The following LOXL2 variants were observed in gnomAD, a reference collection of about 807,000 sequenced individuals.
LOXL2 encodes lysyl oxidase homolog 2.
A neutral mutation model predicts 93.0 loss-of-function variants in LOXL2; 70 were observed. The observed-to-expected ratio is 0.75, with a 90% CI of 0.62 to 0.92. The LOEUF (loss-of-function observed/expected upper bound fraction) is 0.92, where lower values mean the gene tolerates loss of function less well. LOXL2 is among the 40% of genes least tolerant of loss of function. LOXL2 has a pLI of 0.00. For missense variants in LOXL2, 973 were observed against 1,054.9 expected (o/e 0.92, Z 1.08); for synonymous variants, 438 against 413.2 (o/e 1.06, Z -0.73).
chr8:23,375,968 AC>A (rs1196048390), intron 1 of LOXL2, among the ~76,000 whole-genome samples: 4 of 152,146 alleles, frequency 2.6e-5, no homozygotes, highest in African/African-American at 9.7e-5. Flanking sequence ...AGAACTTCCA[AC>A]ACTATGTTGA....
Position 23,311,986 on chromosome 8 carries a change from G to A in LOXL2, c.1637-2075C>T, listed in dbSNP as rs945790308. ...TAGGGCAAAACAAATAGCCTGTGCC[G>A]AAATACAAACTACCATCAGAGAATA... On this transcript the variant is annotated intron_variant, in intron 9 of 13. Transcript: ENST00000389131. 2.1e-4 allele frequency among the ~76,000 whole-genome samples: 32 copies of A among 152,236 alleles called. 1 individual carries two copies. The highest frequency in any genetic ancestry group is 3.4e-3 in the Middle Eastern group (1 of 294).
At chr8:23,379,637 G>A (rs1056113816) in intron 1 of LOXL2, among the ~76,000 whole-genome samples, 5 of 93,384 alleles carry the variant, frequency 5.4e-5, no homozygotes, top group African/African-American at 1.1e-4. Context: ...CAGCAATGGC[G>A]GGCGCCCCTC....
intron 1 of LOXL2, among the ~76,000 whole-genome samples, chr8:23,380,199 C>T (rs969162514): frequency 6.6e-6 from 1 of 152,068 alleles, no homozygotes; most frequent in Non-Finnish European, 1.5e-5. Context: ...TCGAGACCAT[C>T]CTGGCCAACA....
chr8:23,401,623 A>G (rs1006241889), intron 1 of LOXL2, among the ~76,000 whole-genome samples: 5 of 152,208 alleles, frequency 3.3e-5, no homozygotes, highest in Admixed American at 2.0e-4. Flanking sequence ...TTTTTTGCAT[A>G]CTTGAAATTT....
intron 5 of LOXL2, among the ~76,000 whole-genome samples, chr8:23,332,561 T>TAC (rs752238417): frequency 3.8e-5 from 2 of 52,288 alleles, no homozygotes; most frequent in African/African-American, 1.6e-4. Flanking sequence ...CCCACACTCA[T>TAC]ACACACACAC....
At chr8:23,347,712 T>C (rs116569769) in intron 3 of LOXL2, among the ~76,000 whole-genome samples, 1,610 of 152,216 alleles carry the variant, frequency 0.011, 24 homozygotes, top group African/African-American at 0.036. Flanking sequence ...CTCACATCTA[T>C]AATCCTCGTG....
chr8:23,309,039 T>C (rs926933923), intron 10 of LOXL2, among the ~76,000 whole-genome samples: 5 of 151,090 alleles, frequency 3.3e-5, no homozygotes, highest in Admixed American at 2.0e-4. Flanking sequence ...TGCTGGAGTG[T>C]GGTGGCGTGA....
At chr8:23,333,377 C>T in intron 5 of LOXL2, 24 bp downstream of exon 5, 1 of 1,607,966 alleles carries the variant, frequency 6.2e-7, no homozygotes, top group South Asian at 1.1e-5. Flanking sequence ...TGCCAAGTGG[C>T]CACACCTCGT....
chr8:23,298,989 C>T (rs542403738), intron 12 of LOXL2, 42 bp from the exon 13 acceptor site: 55 of 1,181,672 alleles, frequency 4.7e-5, no homozygotes, highest in East Asian at 2.8e-4. Context: ...GTTCCCTCTG[C>T]GGCCACCTCC....
At chr8:23,339,095 G>A (rs994426946) in intron 4 of LOXL2, among the ~76,000 whole-genome samples, 3 of 152,278 alleles carry the variant, frequency 2.0e-5, no homozygotes, top group South Asian at 2.1e-4. Context: ...ACAGCCCACC[G>A]AGGCACAGAA....
intron 1 of LOXL2, among the ~76,000 whole-genome samples, chr8:23,370,378 T>A (rs4872117): frequency 1.3e-5 from 2 of 151,874 alleles, no homozygotes; most frequent in Non-Finnish European, 2.9e-5. Context: ...GTGCTTTACA[T>A]TGTTGTCATG....
At chr8:23,321,564 G>A (rs1803497965) in intron 7 of LOXL2, among the ~76,000 whole-genome samples, 3 of 152,184 alleles carry the variant, frequency 2.0e-5, no homozygotes. Context: ...TGGTCAGCCA[G>A]GAGCCTCTGT....
chr8:23,310,672 G>C (rs1232967870), intron 9 of LOXL2, among the ~76,000 whole-genome samples: 1 of 152,194 alleles, frequency 6.6e-6, no homozygotes, highest in East Asian at 1.9e-4. Context: ...CTAGGAGAAA[G>C]CATTGTCTGT....
At chr8:23,321,813 A>G (rs1803501139) in intron 7 of LOXL2, 1 of 296,454 alleles carries the variant, frequency 3.4e-6, no homozygotes, top group South Asian at 6.4e-5. Flanking sequence ...CCGTGTTTTG[A>G]TAAGGTTGTG....
chr8:23,403,547 C>T (rs1460386115), intron 1 of LOXL2, among the ~76,000 whole-genome samples: 1 of 152,172 alleles, frequency 6.6e-6, no homozygotes, highest in Non-Finnish European at 1.5e-5. Flanking sequence ...CCCGACCCGT[C>T]CCCCGCGTGC....
intron 10 of LOXL2, 76 bp from the exon 11 acceptor site, chr8:23,303,473 A>G: frequency 2.3e-6 from 2 of 855,078 alleles, no homozygotes; most frequent in Non-Finnish European, 3.9e-6. Context: ...CTGGCTGGCG[A>G]TTTGCCTCTG....
intron 1 of LOXL2, among the ~76,000 whole-genome samples, chr8:23,393,040 T>C (rs931643023): frequency 6.6e-6 from 1 of 152,030 alleles, no homozygotes; most frequent in Non-Finnish European, 1.5e-5. Flanking sequence ...CTACAAAACA[T>C]TGTTAAAAGA....
intron 9 of LOXL2, among the ~76,000 whole-genome samples, chr8:23,314,888 C>G (rs1803369988): frequency 6.6e-6 from 1 of 151,946 alleles, no homozygotes. Context: ...AAACAAGTAG[C>G]CTGTGCCAGG....
intron 10 of LOXL2, among the ~76,000 whole-genome samples, chr8:23,306,603 C>T (rs1256181468): frequency 1.3e-5 from 2 of 152,240 alleles, no homozygotes; most frequent in African/African-American, 2.4e-5. Flanking sequence ...GAAGCTGAGC[C>T]GCACATGTGG....
Sources: allele counts gnomAD v4.1 joint callset (sites outside exome capture counted in the v4.1 genomes callset), GRCh38; gene constraint gnomAD v4.1.1; transcripts MANE v1.5; gene names NCBI Gene and HGNC (gene_info 2026-07-23, HGNC 2026-07-21).